Variants in SHANK2 observed in about 807,000 individuals in gnomAD.
SHANK2 encodes the protein SH3 and multiple ankyrin repeat domains 2, also known as SH3 and multiple ankyrin repeat domains protein 2.
In SHANK2, 43 loss-of-function variants were observed where a neutral mutation model predicts 133.7. That is an observed-to-expected ratio of 0.32 (90% CI 0.25 to 0.41). SHANK2 has a LOEUF of 0.41. Among genes scored for constraint, SHANK2 ranks in the 10% least tolerant of loss-of-function variants. The probability of loss-of-function intolerance (pLI) is 1.00; values close to 1 mark genes in which losing one functional copy is unlikely to be tolerated. For missense variants in SHANK2, 1,994 were observed against 2,235.8 expected (o/e 0.89, Z 2.18); for synonymous variants, 1,017 against 952.8 (o/e 1.07, Z -1.24).
intron 17 of SHANK2, among the ~76,000 whole-genome samples, chr11:70,613,763 GTTT>G (rs57180024): frequency 8.1e-6 from 1 of 123,776 alleles, no homozygotes; most frequent in African/African-American, 3.1e-5. Flanking sequence ...AGGGGAACTT[GTTT>G]TTTTTTTTTT....
rs868942847 is a variant in SHANK2 at position 70,502,742 on chromosome 11, C to G, written c.2197+54G>C. 6 of 434,406 alleles carry G rather than the reference C, an allele frequency of 1.4e-5. No homozygotes were observed. In the East Asian group the frequency reaches 7.4e-4, roughly 54 times the overall value. The allele number at this position is 434,406 out of a possible 1,614,324, so 26.9% of individuals were successfully genotyped here. On this transcript the variant is annotated intron_variant, in intron 18 of 25. Transcript: ENST00000601538. ...CCCCCAGCTGTCCTGCCCGCCCCCACCCCCCCCCCCCAGTAGGGCCCCAGG... is the reference window on the plus strand; with the variant it reads ...CCCCCAGCTGTCCTGCCCGCCCCCAGCCCCCCCCCCCAGTAGGGCCCCAGG...
intron 4 of SHANK2, among the ~76,000 whole-genome samples, chr11:71,113,953 G>A (rs555614556): frequency 9.2e-5 from 14 of 152,318 alleles, no homozygotes; most frequent in Non-Finnish European, 1.0e-4. Context: ...TCAGATGCAC[G>A]GAGTAAGCAA....
chr11:70,941,995 C>G lies in SHANK2; in HGVS notation c.1108-45428G>C, dbSNP rs143143385. ...GATCACGAGGTCAGGAGTTTGAGAC[C>G]TGGCCAACATAGTGAAACCCCATCT... On this transcript the variant is annotated intron_variant, in intron 10 of 25. Coordinates refer to ENST00000601538, the MANE Select transcript of SHANK2 (RefSeq NM_012309.5). 1.0e-3 allele frequency among the ~76,000 whole-genome samples: 159 copies of G among 152,052 alleles called. 1 individual carries two copies. Among genetic ancestry groups the G allele is most frequent in the African/African-American group, 3.7e-3 (152 of 41,496 alleles).
chr11:70,646,094 G>A (rs2061256279), intron 17 of SHANK2: 1 of 152,254 alleles, frequency 6.6e-6, no homozygotes, highest in Admixed American at 6.5e-5. Flanking sequence ...CCAGAGCTGT[G>A]TGGACCCCCA....
intron 3 of SHANK2, among the ~76,000 whole-genome samples, chr11:71,144,197 G>C (rs1334309498): frequency 2.7e-5 from 4 of 149,502 alleles, no homozygotes; most frequent in Non-Finnish European, 5.9e-5. Context: ...AGGCTCAGGA[G>C]GTGGGGGAGG....
chr11:70,654,248 C>T (rs1242085229), intron 17 of SHANK2: 1 of 152,142 alleles, frequency 6.6e-6, no homozygotes, highest in African/African-American at 2.4e-5. Context: ...TAAGGAATGG[C>T]CCCGGGAAAT....
At chr11:70,763,693 T>A (rs182936466) in intron 14 of SHANK2, among the ~76,000 whole-genome samples, 1 of 152,164 alleles carries the variant, frequency 6.6e-6, no homozygotes, top group Non-Finnish European at 1.5e-5. Flanking sequence ...GCCCGATGCA[T>A]AATGGTCTGC....
intron 1 of SHANK2, among the ~76,000 whole-genome samples, chr11:71,251,391 G>A (rs1555125835): frequency 6.6e-6 from 1 of 152,136 alleles, no homozygotes; most frequent in African/African-American, 2.4e-5. Flanking sequence ...CCCGGGCGGC[G>A]AGGCCCGCTG....
chr11:71,120,250 C>A (rs1186014343), intron 3 of SHANK2, among the ~76,000 whole-genome samples: 2 of 152,246 alleles, frequency 1.3e-5, no homozygotes, highest in African/African-American at 4.8e-5. Flanking sequence ...AAATCCACTT[C>A]TAGCCATGAC....
At chr11:70,547,283 CAG>C (rs2059707038) in intron 17 of SHANK2, among the ~76,000 whole-genome samples, 1 of 152,130 alleles carries the variant, frequency 6.6e-6, no homozygotes, top group Non-Finnish European at 1.5e-5. Flanking sequence ...TTTTTTGAGA[CAG>C]AGTCTCGCTC....
At chr11:70,862,660 A>T (rs375855790) in intron 11 of SHANK2, 118 of 272,882 alleles carry the variant, frequency 4.3e-4, no homozygotes, top group African/African-American at 2.6e-3. Flanking sequence ...ACTGGCTGAT[A>T]GACTGGACTG....
chr11:70,744,965 G>A (rs1401456965), intron 14 of SHANK2, among the ~76,000 whole-genome samples: 1 of 152,226 alleles, frequency 6.6e-6, no homozygotes, highest in Non-Finnish European at 1.5e-5. Flanking sequence ...AAGTGAGAGT[G>A]AAGGCACAAG....
intron 15 of SHANK2, among the ~76,000 whole-genome samples, chr11:70,670,692 A>G (rs1164945199): frequency 6.6e-6 from 1 of 152,226 alleles, no homozygotes; most frequent in Non-Finnish European, 1.5e-5. Flanking sequence ...CCCTTCCTGC[A>G]TAACTCACAG....
At chr11:70,839,614 T>C (rs149078787) in intron 11 of SHANK2, among the ~76,000 whole-genome samples, 3 of 152,314 alleles carry the variant, frequency 2.0e-5, no homozygotes, top group Non-Finnish European at 1.5e-5. Flanking sequence ...AGGGGGTTTA[T>C]TTCAATACAA....
chr11:70,884,344 G>A (rs1471446238), intron 11 of SHANK2, among the ~76,000 whole-genome samples: 2 of 152,218 alleles, frequency 1.3e-5, no homozygotes, highest in African/African-American at 4.8e-5. Flanking sequence ...TGCAAAATCT[G>A]TTTATCTGCA....
At position 70,500,940 on chromosome 11, in the gene SHANK2, G is replaced by C. The variant is rs2059041759; in HGVS notation, c.2288-350C>G. On this transcript the variant is annotated intron_variant, in intron 20 of 25. Coordinates refer to ENST00000601538, the MANE Select transcript of SHANK2 (RefSeq NM_012309.5). This position sits in a 1 kb window ranked among gnomAD's most constrained non-coding sequence, Gnocchi z 4.5. The stretch of plus-strand genomic sequence containing the variant: ...GACATGAGCAGAGGTGGCGGGGCCA[G>C]CCTTTAGAGTGCACCTGTGGCCTTT... Among the ~76,000 whole-genome samples the C allele has an allele frequency of 6.6e-6, 1 of 152,246 alleles. No individual in the cohort carries two copies. The highest frequency in any genetic ancestry group is 1.5e-5 in the Non-Finnish European group (1 of 68,040).
chr11:70,758,196 A>C (rs1946913627), intron 14 of SHANK2, among the ~76,000 whole-genome samples: 1 of 152,230 alleles, frequency 6.6e-6, no homozygotes, highest in Non-Finnish European at 1.5e-5. Flanking sequence ...TCGGGATGTA[A>C]ACCCAGGCAT....
intron 9 of SHANK2, among the ~76,000 whole-genome samples, chr11:71,068,011 TATC>T (rs1176558634): frequency 2.0e-5 from 3 of 150,512 alleles, no homozygotes; most frequent in African/African-American, 4.9e-5. Flanking sequence ...TCACCATCCA[TATC>T]ATCACTAGCA....
Position 70,830,302 on chromosome 11 carries a change from G to C in SHANK2, c.1175-9620C>G, listed in dbSNP as rs903668538. 2.0e-5 allele frequency among the ~76,000 whole-genome samples: 3 copies of C among 152,192 alleles called. No homozygotes were observed. The highest frequency in any genetic ancestry group is 4.4e-5 in the Non-Finnish European group (3 of 68,032). On this transcript the variant is annotated intron_variant, in intron 11 of 25. Coordinates refer to ENST00000601538, the MANE Select transcript of SHANK2 (RefSeq NM_012309.5). The surrounding 1 kb of genome is among the most constrained non-coding windows in gnomAD (Gnocchi z 4.4). ...GCCTGAAGCCTGCCCTGCCTGCCTGGCTGGGAGGGAAGTTCTGTGTGGACA... is the reference window on the plus strand; with the variant it reads ...GCCTGAAGCCTGCCCTGCCTGCCTGCCTGGGAGGGAAGTTCTGTGTGGACA...
Sources: allele counts gnomAD v4.1 joint callset (sites outside exome capture counted in the v4.1 genomes callset), GRCh38; gene constraint gnomAD v4.1.1; non-coding constraint Gnocchi (gnomAD v3.1); transcripts MANE v1.5; gene names NCBI Gene and HGNC (gene_info 2026-07-23, HGNC 2026-07-21).